Variants in CENPC observed in about 807,000 individuals in gnomAD.
CENPC encodes CENP-C 1.
A neutral mutation model predicts 112.1 loss-of-function variants in CENPC; 63 were observed. The observed-to-expected ratio is 0.56, with a 90% CI of 0.46 to 0.69. CENPC has a LOEUF of 0.69. Ranked by LOEUF, CENPC falls within the 30% of genes least tolerant of loss-of-function variation. The pLI, the probability that CENPC is intolerant of heterozygous loss-of-function variation, is 0.00. For synonymous variants in CENPC, 333 were observed against 367.6 expected (o/e 0.91, Z 1.08); for missense variants, 1,000 against 1,103.8 (o/e 0.91, Z 1.33).
chr4:67,543,665 A>G (rs1452303763), intron 2 of CENPC, among the ~76,000 whole-genome samples: 1 of 152,228 alleles, frequency 6.6e-6, no homozygotes, highest in East Asian at 1.9e-4. Context: ...GACGTTATTC[A>G]TAATAACATC....
chr4:67,516,752 T>C (rs1392104048), intron 7 of CENPC, among the ~76,000 whole-genome samples: 1 of 152,014 alleles, frequency 6.6e-6, no homozygotes, highest in African/African-American at 2.4e-5. Flanking sequence ...TAGGGAAAGA[T>C]GGCTTCTAAT....
At chr4:67,494,050 G>A (rs540030757) in intron 13 of CENPC, 62 bp from the exon 14 acceptor site, 22 of 873,850 alleles carry the variant, frequency 2.5e-5, no homozygotes, top group Non-Finnish European at 3.5e-5. Context: ...CTTAGCAGTG[G>A]AAAGACTGTC....
At position 67,484,659 on chromosome 4, in the gene CENPC, A is replaced by G. The variant is rs184790160; in HGVS notation, c.2670+5308T>C. Reference sequence around the variant, plus strand: ...GAAGAAAAATTGTCTTTCACAAACCAGTCCTTGGTGCCAAAAAGGATGGGG... The same window carrying G: ...GAAGAAAAATTGTCTTTCACAAACCGGTCCTTGGTGCCAAAAAGGATGGGG... On this transcript the variant is annotated intron_variant, in intron 17 of 18. Coordinates refer to ENST00000273853, the MANE Select transcript of CENPC (RefSeq NM_001812.4). 7.2e-5 allele frequency among the ~76,000 whole-genome samples: 11 copies of G among 152,334 alleles called. 1 individual carries two copies. The East Asian group carries it at 1.2e-3, about 16-fold the overall frequency.
At chr4:67,511,190 G>T (rs1375740032) in intron 9 of CENPC, among the ~76,000 whole-genome samples, 2 of 152,130 alleles carry the variant, frequency 1.3e-5, no homozygotes, top group Non-Finnish European at 2.9e-5. Context: ...ACTCAAAGTG[G>T]AAGAGTGATA....
In CENPC at chr4:67,514,480, T is replaced by C. The variant is rs1432945074; in HGVS notation, c.1038A>G (p.Ser346=). Residue 346 remains serine, a synonymous_variant, in exon 8 of 19, where the codon TCA becomes TCG. Transcript: ENST00000273853. The part of the protein sequence containing the change: ...ESTALLQGRK[S]REKHHNILPK... Reference sequence around the variant, plus strand: ...GTAATATATTATGATGCTTTTCTCTTGACTTTCTACCTTGAAGGAGTGCAG... The same window carrying C: ...GTAATATATTATGATGCTTTTCTCTCGACTTTCTACCTTGAAGGAGTGCAG... The C allele has an allele frequency of 1.9e-6, 3 of 1,613,614 alleles. No individual in the cohort carries two copies. The highest frequency in any genetic ancestry group is 1.1e-5 in the South Asian group (1 of 91,050).
Position 67,519,222 on chromosome 4 carries a change from T to G in CENPC, c.612A>C (p.Lys204Asn). 6.6e-7 allele frequency: 1 copy of G among 1,526,418 alleles called. No homozygotes were observed. The highest frequency in any genetic ancestry group is 8.8e-7 in the Non-Finnish European group (1 of 1,134,632). The allele number at this position is 1,526,418 out of a possible 1,614,324, so 94.6% of individuals were successfully genotyped here. A position where few individuals can be genotyped will look rare whatever the true frequency, so the allele number is the denominator to read the frequency against. ...TTATTTAAATAAAATGTTACCTTTT[T>G]TTGGTTTTAACTGAAACCTCTGTAC... ...PSSTEVSVKT[K>N]KRLNFDDKVM... Residue 204 changes from lysine (K) to asparagine (N), a missense_variant, in exon 6 of 19, where the codon AAA (lysine) becomes AAC (asparagine). Lys to Asn is a moderately conservative substitution (Grantham distance 94). Coordinates refer to ENST00000273853, the MANE Select transcript of CENPC (RefSeq NM_001812.4).
rs1040463657 is a variant in CENPC at position 67,469,836 on chromosome 4, A to G, written c.*2769T>C. On this transcript the variant is annotated 3_prime_UTR_variant, in exon 19 of 19. Transcript: ENST00000273853. ...TCTTAATGGGCACAGAAAGATCACAATTTAGGGCTGTTGAGAAAACTGAAT... is the reference window on the plus strand; with the variant it reads ...TCTTAATGGGCACAGAAAGATCACAGTTTAGGGCTGTTGAGAAAACTGAAT... 1 of 152,224 alleles carries G rather than the reference A, an allele frequency of 6.6e-6. No individual in the cohort carries two copies. Among genetic ancestry groups the G allele is most frequent in the African/African-American group, 2.4e-5 (1 of 41,460 alleles). The allele number at this position is 152,224 out of a possible 1,614,324, so 9.4% of individuals were successfully genotyped here.
intron 4 of CENPC, among the ~76,000 whole-genome samples, chr4:67,537,600 C>T (rs1232036789): frequency 6.6e-6 from 1 of 152,140 alleles, no homozygotes; most frequent in Non-Finnish European, 1.5e-5. Context: ...TAAGACCAGC[C>T]TGGCCAACAT....
chr4:67,518,516 T>A (rs1471761042), intron 6 of CENPC, 148 bp from the exon 7 acceptor site: 3 of 811,530 alleles, frequency 3.7e-6, no homozygotes, highest in African/African-American at 3.6e-5. Context: ...GATTTGTGCA[T>A]TCCAAATACA....
intron 4 of CENPC, among the ~76,000 whole-genome samples, chr4:67,539,343 G>A (rs1224866935): frequency 6.6e-6 from 1 of 152,060 alleles, no homozygotes; most frequent in African/African-American, 2.4e-5. Flanking sequence ...AATTAGTATT[G>A]TGCTTTTGAA....
At chr4:67,513,483 G>A (rs990132721) in intron 8 of CENPC, among the ~76,000 whole-genome samples, 3 of 152,132 alleles carry the variant, frequency 2.0e-5, no homozygotes, top group African/African-American at 7.2e-5. Context: ...CATCTTTCAA[G>A]TATACTTCCT....
chr4:67,473,194 G>C (rs1273813660), intron 18 of CENPC, among the ~76,000 whole-genome samples: 1 of 151,952 alleles, frequency 6.6e-6, no homozygotes, highest in South Asian at 2.1e-4. Flanking sequence ...GCCTCCCTGA[G>C]AGCTGGGATT....
chr4:67,482,164 A>T (rs1474428731), intron 17 of CENPC, among the ~76,000 whole-genome samples: 2 of 152,216 alleles, frequency 1.3e-5, no homozygotes, highest in South Asian at 2.1e-4. Flanking sequence ...CACACAAAAA[A>T]AATGCTCAAC....
At chr4:67,506,160 T>C (rs1388141532) in intron 11 of CENPC, among the ~76,000 whole-genome samples, 1 of 152,160 alleles carries the variant, frequency 6.6e-6, no homozygotes, top group Non-Finnish European at 1.5e-5. Context: ...TTATATGACA[T>C]CAGATATAAT....
rs576325988 is a variant in CENPC, at chr4:67,489,417, T to C, written c.2670+550A>G. Among the ~76,000 whole-genome samples the C allele has an allele frequency of 8.0e-5, 12 of 150,044 alleles. No individual in the cohort carries two copies. In the South Asian group the frequency reaches 2.5e-3, roughly 32 times the overall value. On this transcript the variant is annotated intron_variant, in intron 17 of 18. Transcript: ENST00000273853. ...GCACTTACTGAAGCAACTAGCTTAG[T>C]CCTGAGTCTATGTCTAAATAGTTAA...
intron 17 of CENPC, among the ~76,000 whole-genome samples, chr4:67,480,447 A>G (rs2109763371): frequency 6.6e-6 from 1 of 152,344 alleles, no homozygotes; most frequent in African/African-American, 2.4e-5. Flanking sequence ...ACCTTCTTAG[A>G]TTAAACCAAG....
chr4:67,474,446 G>A (rs1724750528), intron 18 of CENPC, among the ~76,000 whole-genome samples: 1 of 152,074 alleles, frequency 6.6e-6, no homozygotes, highest in Non-Finnish European at 1.5e-5. Context: ...GCTCACACCT[G>A]TAATCATAGC....
intron 17 of CENPC, among the ~76,000 whole-genome samples, chr4:67,478,723 A>G (rs1310416165): frequency 6.6e-6 from 1 of 151,964 alleles, no homozygotes; most frequent in Admixed American, 6.6e-5. Flanking sequence ...TCACATCTCA[A>G]TACTAACATT....
At position 67,514,437 on chromosome 4, in the gene CENPC, C is replaced by G. The variant is rs1167566757; in HGVS notation, c.1081G>C (p.Asp361His). 2 of 1,613,436 alleles carry G rather than the reference C, an allele frequency of 1.2e-6. No homozygotes were observed. The change falls in exon 8 of 19, where the codon GAC becomes CAC. Residue 361 changes from aspartate to histidine, a missense_variant. Asp to His is a moderately conservative substitution (Grantham distance 81). Coordinates refer to ENST00000273853, the MANE Select transcript of CENPC (RefSeq NM_001812.4). ...HNILPKTLAN[D>H]KHSHKPHPVE... ...GGGTGAGGTTTATGGGAATGTTTGT[C>G]ATTTGCCAAAGTCTTAGGTAATATA... is the stretch of plus-strand genomic sequence containing the variant.
Sources: gnomAD v4.1 joint callset for allele counts (sites outside exome capture counted in the v4.1 genomes callset) on GRCh38, gnomAD v4.1.1 for gene constraint, MANE v1.5 for transcripts, NCBI Gene and HGNC (gene_info 2026-07-23, HGNC 2026-07-21) for gene names.